The following ZNF577 variants were observed in gnomAD, a reference collection of about 807,000 sequenced individuals.
ZNF577 encodes zinc finger protein 577.
A neutral mutation model predicts 13.9 loss-of-function variants in ZNF577; 14 were observed. That is an observed-to-expected ratio of 1.00 (90% CI 0.66 to 1.57). ZNF577 has a LOEUF of 1.57. Ranked by LOEUF, ZNF577 falls within the 40% of genes most tolerant of loss-of-function variation. The pLI, the probability that ZNF577 is intolerant of heterozygous loss-of-function variation, is 0.00. For missense variants in ZNF577, 555 were observed against 579.2 expected (o/e 0.96, Z 0.43); for synonymous variants, 203 against 202.9 (o/e 1.00, Z 0.00).
rs921756128 is a variant in ZNF577, at chr19:51,815,476, C to T, written c.*600-3802G>A. 6.6e-5 allele frequency among the ~76,000 whole-genome samples: 10 copies of T among 151,696 alleles called. No homozygotes were observed. In the South Asian group the frequency reaches 1.9e-3, roughly 28 times the overall value. On this transcript the variant is annotated intron_variant and NMD_transcript_variant, in intron 9 of 10. Transcript: ENST00000638827. ...TCAGGAGACTGAGGCAGGAGAATTG[C>T]TTGAACTGCTTGAACCTGGGAGGTG...
rs2122667722 is a variant in ZNF577 at position 51,873,858 on chromosome 19, G to T, written c.284-152C>A. 9 of 658,812 alleles carry T rather than the reference G, an allele frequency of 1.4e-5. No homozygotes were observed. In the South Asian group the frequency reaches 1.9e-4, roughly 14 times the overall value. The allele number at this position is 658,812 out of a possible 1,614,324, so 40.8% of individuals were successfully genotyped here. ...GTTTAAGCTCATTTTGGTTTTCTGG[G>T]TACCACTGCATATGGTAAACCCCCC... On this transcript the variant is annotated intron_variant, in intron 5 of 5. Transcript: ENST00000638348.
chr19:51,886,154 C>T (rs988880984), intron 1 of ZNF577: 2 of 151,882 alleles, frequency 1.3e-5, no homozygotes, highest in African/African-American at 4.8e-5. Flanking sequence ...TTCTGGGATG[C>T]TACATTATTC....
chr19:51,849,359 G>C (rs1568439773), intron 5 of ZNF577, among the ~76,000 whole-genome samples: 1 of 152,216 alleles, frequency 6.6e-6, no homozygotes, highest in African/African-American at 2.4e-5. Context: ...TAAAATTCAT[G>C]TGTTGAGACC....
intron 6 of ZNF577, among the ~76,000 whole-genome samples, chr19:51,844,490 G>A (rs890365284): frequency 2.0e-5 from 3 of 152,162 alleles, no homozygotes; most frequent in African/African-American, 7.2e-5. Flanking sequence ...CTCTTGTGAT[G>A]GTTGTCAGTA....
intron 5 of ZNF577, among the ~76,000 whole-genome samples, chr19:51,855,336 T>C (rs1329382613): frequency 4.0e-5 from 5 of 123,594 alleles, no homozygotes; most frequent in Non-Finnish European, 8.0e-5. Context: ...TTCATTTCTC[T>C]GAGCAAGTTT....
At chr19:51,830,479 T>C (rs2084256267) in intron 9 of ZNF577, among the ~76,000 whole-genome samples, 1 of 152,218 alleles carries the variant, frequency 6.6e-6, no homozygotes, top group Non-Finnish European at 1.5e-5. Context: ...GTGGGACTAC[T>C]CTTATCAAGG....
chr19:51,847,084 T>C (rs537647170), intron 5 of ZNF577, among the ~76,000 whole-genome samples: 3 of 152,260 alleles, frequency 2.0e-5, no homozygotes, highest in East Asian at 1.9e-4. Context: ...TAGGGTAGAA[T>C]TGACATAAAA....
At chr19:51,819,459 G>T (rs1213831163) in intron 9 of ZNF577, among the ~76,000 whole-genome samples, 2 of 152,118 alleles carry the variant, frequency 1.3e-5, no homozygotes, top group Non-Finnish European at 2.9e-5. Flanking sequence ...AGACAACCAA[G>T]AGTGGATTGT....
chr19:51,880,463 T>C, intron 2 of ZNF577, 62 bp from the exon 3 acceptor site: 1 of 1,429,634 alleles, frequency 7.0e-7, no homozygotes, highest in South Asian at 1.2e-5. Context: ...TAACAGTCAC[T>C]TAGCTATGTT....
intron 6 of ZNF577, among the ~76,000 whole-genome samples, chr19:51,844,464 G>C (rs1337166750): frequency 6.6e-6 from 1 of 152,120 alleles, no homozygotes; most frequent in African/African-American, 2.4e-5. Context: ...AGTAAATCTT[G>C]TAACTTTTAA....
At chr19:51,856,146 G>A (rs2084417002) in intron 5 of ZNF577, among the ~76,000 whole-genome samples, 3 of 152,124 alleles carry the variant, frequency 2.0e-5, no homozygotes, top group Admixed American at 6.5e-5. Context: ...GGATGGATAC[G>A]CAGAGGCCTT....
In ZNF577 at chr19:51,822,142, A is replaced by T. The variant is rs921635216; in HGVS notation, c.*600-10468T>A. Among the ~76,000 whole-genome samples, 6 of 152,346 alleles carry T rather than the reference A, an allele frequency of 3.9e-5. No individual in the cohort carries two copies. The South Asian group carries it at 1.0e-3, about 26-fold the overall frequency. ...GTTGAGTTGGATGCAACAGCTTCCCATGTGACCTGGTGCAGAGGCAGGGAC... is the reference window on the plus strand; with the variant it reads ...GTTGAGTTGGATGCAACAGCTTCCCTTGTGACCTGGTGCAGAGGCAGGGAC... On this transcript the variant is annotated intron_variant and NMD_transcript_variant, in intron 9 of 10. Transcript: ENST00000638827.
intron 1 of ZNF577, among the ~76,000 whole-genome samples, chr19:51,885,755 G>A (rs1344637368): frequency 6.6e-6 from 1 of 152,116 alleles, no homozygotes; most frequent in East Asian, 1.9e-4. Context: ...TGATCTATCC[G>A]CCTCAGCCTC....
intron 10 of ZNF577, among the ~76,000 whole-genome samples, chr19:51,808,202 C>T (rs1454907827): frequency 1.3e-5 from 2 of 152,184 alleles, no homozygotes; most frequent in African/African-American, 2.4e-5. Flanking sequence ...TACCTAACAT[C>T]GGTCATGGCC....
At chr19:51,814,953 C>T (rs2084124017) in intron 9 of ZNF577, among the ~76,000 whole-genome samples, 1 of 151,858 alleles carries the variant, frequency 6.6e-6, no homozygotes, top group South Asian at 2.1e-4. Flanking sequence ...GGGACTACAG[C>T]CGCCTGCCAC....
intron 5 of ZNF577, among the ~76,000 whole-genome samples, chr19:51,850,567 G>A (rs1186047730): frequency 6.6e-6 from 1 of 152,182 alleles, no homozygotes; most frequent in Non-Finnish European, 1.5e-5. Context: ...GTAGCCTCCT[G>A]CTGTAATATA....
At chr19:51,875,383 A>AAAG (rs1555748626) in intron 5 of ZNF577, among the ~76,000 whole-genome samples, 1 of 148,260 alleles carries the variant, frequency 6.7e-6, no homozygotes, top group Non-Finnish European at 1.5e-5. Context: ...AAAAAAAAAA[A>AAAG]AGAGAGAGCT....
At chr19:51,807,006 T>C (rs1599832377) in intron 10 of ZNF577, among the ~76,000 whole-genome samples, 1 of 152,350 alleles carries the variant, frequency 6.6e-6, no homozygotes, top group African/African-American at 2.4e-5. Context: ...ATTTAAAGTC[T>C]GTAACCTGTC....
intron 9 of ZNF577, among the ~76,000 whole-genome samples, chr19:51,836,170 CAT>C (rs1568436504): frequency 2.0e-5 from 3 of 152,200 alleles, no homozygotes; most frequent in Non-Finnish European, 4.4e-5. Context: ...GATTACTCAT[CAT>C]GTGGAAATTT....
Sources: allele counts gnomAD v4.1 joint callset (sites outside exome capture counted in the v4.1 genomes callset), GRCh38; gene constraint gnomAD v4.1.1; transcripts MANE v1.5; gene names NCBI Gene and HGNC (gene_info 2026-07-23, HGNC 2026-07-21).